The following LHFPL3 variants were observed in gnomAD, a reference collection of about 807,000 sequenced individuals.
LHFPL3 encodes LHFPL tetraspan subfamily member 3, also known as LHFPL tetraspan subfamily member 3 protein.
LHFPL3 carries 5 observed loss-of-function variants against 19.3 expected under a neutral mutation model. The observed-to-expected ratio is 0.26, with a 90% CI of 0.14 to 0.54. The LOEUF (loss-of-function observed/expected upper bound fraction) is 0.54, where lower values mean the gene tolerates loss of function less well. Among genes scored for constraint, LHFPL3 ranks in the 20% least tolerant of loss-of-function variants. The probability of loss-of-function intolerance (pLI) is 0.94; values close to 1 mark genes in which losing one functional copy is unlikely to be tolerated. For synonymous variants in LHFPL3, 133 were observed against 126.2 expected (o/e 1.05, Z -0.36); for missense variants, 249 against 307.4 (o/e 0.81, Z 1.42).
chr7:104,732,978 T>G (rs1244847184), intron 1 of LHFPL3, among the ~76,000 whole-genome samples: 1 of 152,244 alleles, frequency 6.6e-6, no homozygotes, highest in Non-Finnish European at 1.5e-5. Flanking sequence ...CATTTTGTTA[T>G]GTACCCCATA....
chr7:104,752,810 G>A (rs920346542), intron 2 of LHFPL3: 20 of 392,930 alleles, frequency 5.1e-5, no homozygotes, highest in South Asian at 2.6e-4. Context: ...AAGCCTCCAC[G>A]TTGGGCACCA....
chr7:104,625,994 C>G (rs375204540), intron 1 of LHFPL3, among the ~76,000 whole-genome samples: 5 of 152,280 alleles, frequency 3.3e-5, no homozygotes, highest in East Asian at 3.9e-4. Flanking sequence ...GCCTGACAGG[C>G]CCTAATAAGT....
At chr7:104,651,006 T>A (rs1468864) in intron 1 of LHFPL3, among the ~76,000 whole-genome samples, 147,849 of 152,302 alleles carry the variant, frequency 0.97, 71,898 homozygotes, top group East Asian at 1. Flanking sequence ...AACCATCTTC[T>A]TATGACAGCA....
chr7:104,532,285 G>GTTTT (rs80134974), intron 1 of LHFPL3, among the ~76,000 whole-genome samples: 1 of 109,846 alleles, frequency 9.1e-6, no homozygotes. Flanking sequence ...CTTGGCTAAT[G>GTTTT]TTTTTTTTTT....
intron 1 of LHFPL3, among the ~76,000 whole-genome samples, chr7:104,360,296 G>A (rs1278042569): frequency 6.6e-6 from 1 of 152,178 alleles, no homozygotes; most frequent in Non-Finnish European, 1.5e-5. Context: ...AATGTATCAT[G>A]TTCCACAGTT....
intron 1 of LHFPL3, among the ~76,000 whole-genome samples, chr7:104,600,501 T>C (rs938477485): frequency 6.6e-6 from 1 of 152,246 alleles, no homozygotes; most frequent in Non-Finnish European, 1.5e-5. Flanking sequence ...TATTTTGAAG[T>C]TGATGATGGT....
At chr7:104,625,812 A>G (rs1791533537) in intron 1 of LHFPL3, among the ~76,000 whole-genome samples, 1 of 152,176 alleles carries the variant, frequency 6.6e-6, no homozygotes, top group Non-Finnish European at 1.5e-5. Flanking sequence ...TCTTTTATGC[A>G]CTGAATATGA....
At chr7:104,621,018 A>G (rs1791437669) in intron 1 of LHFPL3, among the ~76,000 whole-genome samples, 1 of 152,182 alleles carries the variant, frequency 6.6e-6, no homozygotes, top group African/African-American at 2.4e-5. Flanking sequence ...GGCTTTGTTC[A>G]GGCATTTGTC....
chr7:104,755,892 TC>T (rs530300792), intron 2 of LHFPL3, among the ~76,000 whole-genome samples: 144 of 152,214 alleles, frequency 9.5e-4, no homozygotes, highest in African/African-American at 3.4e-3. Flanking sequence ...ACAGGGTTTC[TC>T]CATGTTGGTC....
At chr7:104,395,964 A>G (rs904245961) in intron 1 of LHFPL3, among the ~76,000 whole-genome samples, 4 of 152,162 alleles carry the variant, frequency 2.6e-5, no homozygotes, top group African/African-American at 9.7e-5. Context: ...CCAAAAAGGG[A>G]AATCTCGGGT....
chr7:104,616,879 G>A (rs6466006), intron 1 of LHFPL3, among the ~76,000 whole-genome samples: 49,159 of 152,020 alleles, frequency 0.32, 8,315 homozygotes, highest in South Asian at 0.48. Context: ...CATTTATGTG[G>A]CAAACAAACA....
chr7:104,525,521 T>C (rs934544982), intron 1 of LHFPL3, among the ~76,000 whole-genome samples: 1 of 152,100 alleles, frequency 6.6e-6, no homozygotes, highest in Non-Finnish European at 1.5e-5. Context: ...AAAGAAGAGC[T>C]CAAGGAATTA....
chr7:104,724,201 A>G (rs1361128843), intron 1 of LHFPL3, among the ~76,000 whole-genome samples: 1 of 152,204 alleles, frequency 6.6e-6, no homozygotes, highest in Non-Finnish European at 1.5e-5. Flanking sequence ...GAAATTTATT[A>G]CAGCACTCAA....
At chr7:104,585,277 A>T (rs1790544265) in intron 1 of LHFPL3, among the ~76,000 whole-genome samples, 1 of 152,134 alleles carries the variant, frequency 6.6e-6, no homozygotes, top group South Asian at 2.1e-4. Context: ...TCTACCCAAG[A>T]AAACCTCCTT....
chr7:104,629,093 T>C (rs1377538536), intron 1 of LHFPL3, among the ~76,000 whole-genome samples: 4 of 152,228 alleles, frequency 2.6e-5, no homozygotes, highest in Admixed American at 2.0e-4. Flanking sequence ...ACAATATGAC[T>C]ATTTAAGAAA....
chr7:104,599,561 G>A (rs1790925258), intron 1 of LHFPL3, among the ~76,000 whole-genome samples: 1 of 152,142 alleles, frequency 6.6e-6, no homozygotes, highest in Non-Finnish European at 1.5e-5. Context: ...CTCGTTCATT[G>A]AATTAGCATT....
In LHFPL3 at chr7:104,667,733, C is replaced by T; in HGVS notation, c.446-68942C>T. 20 of 1,540,680 alleles carry T rather than the reference C, an allele frequency of 1.3e-5. 2 individuals are homozygous for T. In the South Asian group the frequency reaches 1.8e-4, roughly 14 times the overall value. Reference sequence around the variant, plus strand: ...GTACTTAAAGAAATACAAGGAAAAGCTTTCCCTCTGCCAACATGGCGGCCT... The same window carrying T: ...GTACTTAAAGAAATACAAGGAAAAGTTTTCCCTCTGCCAACATGGCGGCCT... On this transcript the variant is annotated intron_variant, in intron 1 of 2. Transcript: ENST00000424859.
chr7:104,881,960 A>G (rs368383965), intron 2 of LHFPL3, among the ~76,000 whole-genome samples: 1 of 152,212 alleles, frequency 6.6e-6, no homozygotes, highest in East Asian at 1.9e-4. Flanking sequence ...TATTTTTTAG[A>G]TGTAATGCTA....
At chr7:104,432,985 A>T (rs1313927256) in intron 1 of LHFPL3, among the ~76,000 whole-genome samples, 3 of 152,130 alleles carry the variant, frequency 2.0e-5, no homozygotes, top group Non-Finnish European at 4.4e-5. Flanking sequence ...GGTAAAACCA[A>T]TTCTGAAATT....
Sources: gnomAD v4.1 joint callset for allele counts (sites outside exome capture counted in the v4.1 genomes callset) on GRCh38, gnomAD v4.1.1 for gene constraint, MANE v1.5 for transcripts, NCBI Gene and HGNC (gene_info 2026-07-23, HGNC 2026-07-21) for gene names.